CACNA1C: variants seen among roughly 807,000 people sequenced by gnomAD.
CACNA1C encodes the protein voltage-dependent L-type calcium channel subunit alpha-1C.
Under a neutral mutation model 229.0 loss-of-function variants are expected in CACNA1C, and 30 were observed. The ratio of observed to expected loss-of-function variants is 0.13; its 90% CI spans 0.10 to 0.18. The LOEUF (loss-of-function observed/expected upper bound fraction) is 0.18. Ranked by LOEUF, CACNA1C falls within the 10% of genes least tolerant of loss-of-function variation. The probability of loss-of-function intolerance (pLI) is 1.00; values close to 1 mark genes in which losing one functional copy is unlikely to be tolerated. For synonymous variants in CACNA1C, 1,114 were observed against 1,132.5 expected (o/e 0.98, Z 0.33); for missense variants, 1,658 against 2,845.0 (o/e 0.58, Z 9.49).
Position 2,523,557 on chromosome 12 carries a change from C to T in CACNA1C, c.1390+10573C>T, listed in dbSNP as rs143214289. ...GTCATCACTTCTGAGTCTCTGATCC[C>T]AGGAACCTCAGCACTATGGGGCCCC... On this transcript the variant is annotated intron_variant, in intron 9 of 46. Coordinates refer to ENST00000399655, the MANE Select transcript of CACNA1C (RefSeq NM_000719.7). Among the ~76,000 whole-genome samples the T allele has an allele frequency of 5.1e-3, 769 of 151,722 alleles. 3 individuals carry two copies. The highest frequency in any genetic ancestry group is 0.016 in the African/African-American group (645 of 41,004).
rs2094490880 is a variant in CACNA1C at position 2,647,635 on chromosome 12, GC to G, written c.3913-837del. On this transcript the variant is annotated intron_variant, in intron 30 of 46. Transcript: ENST00000399655. This position sits in a 1 kb window ranked among gnomAD's most constrained non-coding sequence, Gnocchi z 4.2. Reference sequence around the variant, plus strand: ...GAGTGGGTTGAGGCCACCTCTGGAGGCCCTCCTCAGTGTTGACTTGAAGTCG... The same window carrying G: ...GAGTGGGTTGAGGCCACCTCTGGAGGCCTCCTCAGTGTTGACTTGAAGTCG... Among the ~76,000 whole-genome samples the G allele has an allele frequency of 1.3e-5, 2 of 152,148 alleles. No homozygotes were observed. The highest frequency in any genetic ancestry group is 2.9e-5 in the Non-Finnish European group (2 of 68,030).
chr12:2,568,742 A>G (rs979702419), intron 13 of CACNA1C, among the ~76,000 whole-genome samples: 2 of 152,032 alleles, frequency 1.3e-5, no homozygotes, highest in Non-Finnish European at 2.9e-5. Flanking sequence ...AGAAAGCAGA[A>G]TGGTGGGCGC....
At chr12:2,073,308 C>T in intron 1 of CACNA1C, among the ~76,000 whole-genome samples, 1 of 152,220 alleles carries the variant, frequency 6.6e-6, no homozygotes, top group Non-Finnish European at 1.5e-5. Flanking sequence ...TGAAGTTTGT[C>T]TTTGGTTGTC....
chr12:2,657,511 A>G (rs915604411), intron 34 of CACNA1C, among the ~76,000 whole-genome samples: 1 of 152,190 alleles, frequency 6.6e-6, no homozygotes, highest in African/African-American at 2.4e-5. Context: ...CTAAACCACT[A>G]GAGGAAAAAA....
chr12:1,987,577 G>A (rs2038155609), intron 1 of CACNA1C, among the ~76,000 whole-genome samples: 1 of 152,010 alleles, frequency 6.6e-6, no homozygotes, highest in Admixed American at 6.6e-5. Flanking sequence ...AGTTCTTTCT[G>A]CTCTCCATTT....
At chr12:2,155,098 C>G (rs1323754390) in intron 3 of CACNA1C, among the ~76,000 whole-genome samples, 1 of 152,170 alleles carries the variant, frequency 6.6e-6, no homozygotes, top group Non-Finnish European at 1.5e-5. Flanking sequence ...AATTCTCTTG[C>G]AATCCCACAG....
At chr12:2,622,854 C>T (rs190139362) in intron 29 of CACNA1C, among the ~76,000 whole-genome samples, 5 of 152,308 alleles carry the variant, frequency 3.3e-5, no homozygotes, top group African/African-American at 1.2e-4. Flanking sequence ...TAAGTCTGGC[C>T]GGCTCAGTTT....
intron 3 of CACNA1C, among the ~76,000 whole-genome samples, chr12:2,189,936 C>G (rs536717560): frequency 6.6e-6 from 1 of 152,152 alleles, no homozygotes; most frequent in South Asian, 2.1e-4. Context: ...AGGTGAGAGC[C>G]GAAACCTTCA....
chr12:2,069,586 T>C lies in CACNA1C; in HGVS notation c.49+15975T>C, dbSNP rs145049735. The stretch of plus-strand genomic sequence containing the variant: ...TATGTTTTAGATGTATTGTTATCTG[T>C]CACATTGGCATTTTGTTCGAACCAT... On this transcript the variant is annotated intron_variant, in intron 1 of 46. Transcript: ENST00000399655. Among the ~76,000 whole-genome samples the C allele has an allele frequency of 1.3e-3, 197 of 152,358 alleles. 1 individual carries two copies. Among genetic ancestry groups the C allele is most frequent in the African/African-American group, 4.4e-3 (184 of 41,598 alleles).
chr12:2,444,475 G>A (rs953791216), intron 3 of CACNA1C, among the ~76,000 whole-genome samples: 16 of 152,042 alleles, frequency 1.1e-4, no homozygotes, highest in Admixed American at 5.9e-4. Flanking sequence ...TGGCTGTTCC[G>A]TACTGATTTG....
chr12:2,412,681 T>C (rs2098821866), intron 3 of CACNA1C, among the ~76,000 whole-genome samples: 1 of 152,248 alleles, frequency 6.6e-6, no homozygotes, highest in East Asian at 1.9e-4. Context: ...AGAATAAATA[T>C]ATTGATCAAT....
At chr12:2,556,588 C>T (rs1045700794) in intron 10 of CACNA1C, among the ~76,000 whole-genome samples, 8 of 152,178 alleles carry the variant, frequency 5.3e-5, no homozygotes, top group Non-Finnish European at 1.0e-4. Flanking sequence ...GATTTTTCTG[C>T]TGTTGGGGTC....
chr12:2,083,680 T>C (rs141719137), intron 1 of CACNA1C, among the ~76,000 whole-genome samples: 1 of 152,362 alleles, frequency 6.6e-6, no homozygotes, highest in Non-Finnish European at 1.5e-5. Context: ...AAGGCATTGC[T>C]ACTCTCAGTG....
In CACNA1C at chr12:1,971,739, T is replaced by A. The variant is rs1248420407; in HGVS notation, c.139+538T>A. ...TGTAACCCTTTGATTCTTATTAGCA[T>A]GGTGCATTAGTTCATTTTGCATGTT... On this transcript the variant is annotated intron_variant, in intron 1 of 46. Coordinates refer to the CACNA1C transcript ENST00000682462. The surrounding 1 kb of genome is among the most constrained non-coding windows in gnomAD (Gnocchi z 4.2). 6.6e-6 allele frequency among the ~76,000 whole-genome samples: 1 copy of A among 152,258 alleles called. No homozygotes were observed. Among genetic ancestry groups the A allele is most frequent in the East Asian group, 1.9e-4 (1 of 5,202 alleles).
intron 3 of CACNA1C, among the ~76,000 whole-genome samples, chr12:2,154,483 G>T (rs1487946642): frequency 6.6e-6 from 1 of 152,214 alleles, no homozygotes; most frequent in African/African-American, 2.4e-5. Flanking sequence ...ACAAACAGGA[G>T]CAATGAGGGA....
intron 3 of CACNA1C, among the ~76,000 whole-genome samples, chr12:2,439,714 GTT>G (rs57831176): frequency 6.9e-6 from 1 of 145,308 alleles, no homozygotes; most frequent in Non-Finnish European, 1.5e-5. Context: ...TTTGAGAAGG[GTT>G]TTTTTTTTTT....
Position 2,455,502 on chromosome 12 carries a change from C to T in CACNA1C, c.618-2065C>T, listed in dbSNP as rs1348725303. On this transcript the variant is annotated intron_variant, in intron 4 of 46. Transcript: ENST00000399655. ...TAAAATCTATGATCACTGTTAATTT[C>T]ACCTGTTTTTACTTTTTAATGTGGC... Among the ~76,000 whole-genome samples, 8 of 152,220 alleles carry T rather than the reference C, an allele frequency of 5.3e-5. No individual in the cohort carries two copies. The East Asian group carries it at 1.5e-3, about 29-fold the overall frequency.
chr12:2,341,363 G>T (rs1383168616), intron 3 of CACNA1C, among the ~76,000 whole-genome samples: 4 of 152,212 alleles, frequency 2.6e-5, no homozygotes, highest in African/African-American at 9.6e-5. Flanking sequence ...TCCAGCGAGG[G>T]ATTAAACTAT....
chr12:2,190,104 T>C (rs2097164469), intron 3 of CACNA1C, among the ~76,000 whole-genome samples: 2 of 152,228 alleles, frequency 1.3e-5, no homozygotes, highest in African/African-American at 4.8e-5. Context: ...TGAAATCCTT[T>C]AAAATTTATT....
Sources: gnomAD v4.1 joint callset for allele counts (sites outside exome capture counted in the v4.1 genomes callset) on GRCh38, gnomAD v4.1.1 for gene constraint, Gnocchi (gnomAD v3.1) non-coding constraint, MANE v1.5 for transcripts, NCBI Gene and HGNC (gene_info 2026-07-23, HGNC 2026-07-21) for gene names.